The following EXOC6 variants were observed in gnomAD, a reference collection of about 807,000 sequenced individuals.
EXOC6 encodes SEC15-like 1.
In EXOC6, 60 loss-of-function variants were observed where a neutral mutation model predicts 112.5. The ratio of observed to expected loss-of-function variants is 0.53; its 90% confidence interval spans 0.43 to 0.66. EXOC6 has a LOEUF of 0.66. Among genes scored for constraint, EXOC6 ranks in the 30% least tolerant of loss-of-function variants. The probability of loss-of-function intolerance (pLI) is 0.00; values close to 1 mark genes in which losing one functional copy is unlikely to be tolerated. For synonymous variants in EXOC6, 295 were observed against 308.0 expected (o/e 0.96, Z 0.44); for missense variants, 855 against 957.1 (o/e 0.89, Z 1.41).
At chr10:92,890,688 CTG>C (rs1849455941) in intron 1 of EXOC6, among the ~76,000 whole-genome samples, 2 of 151,148 alleles carry the variant, frequency 1.3e-5, no homozygotes, top group Non-Finnish European at 3.0e-5. Flanking sequence ...CTATCTATCT[CTG>C]TGTCTGGTCT....
At chr10:92,941,400 C>T (rs1852660946) in intron 13 of EXOC6, among the ~76,000 whole-genome samples, 1 of 152,198 alleles carries the variant, frequency 6.6e-6, no homozygotes, top group African/African-American at 2.4e-5. Context: ...GTACAGTATA[C>T]ATATATCTGT....
chr10:92,932,769 T>A (rs572938663), intron 9 of EXOC6, among the ~76,000 whole-genome samples: 3 of 152,148 alleles, frequency 2.0e-5, no homozygotes, highest in Non-Finnish European at 2.9e-5. Flanking sequence ...AATATTTAGG[T>A]AAATCTAAAA....
intron 20 of EXOC6, among the ~76,000 whole-genome samples, chr10:93,038,345 A>G (rs564462398): frequency 7.9e-5 from 12 of 152,204 alleles, no homozygotes; most frequent in Non-Finnish European, 1.3e-4. Context: ...AAAAAATCCT[A>G]CTAAGCATTC....
chr10:92,912,282 A>G (rs1271596414), intron 6 of EXOC6, among the ~76,000 whole-genome samples: 2 of 152,092 alleles, frequency 1.3e-5, no homozygotes, highest in African/African-American at 4.8e-5. Flanking sequence ...TATCTCAGAT[A>G]GTATTGCAGG....
At position 92,837,135 on chromosome 10, in the gene EXOC6, C is replaced by CA. The variant is rs1554878504; in HGVS notation, c.86+2313dup. Among the ~76,000 whole-genome samples the CA allele has an allele frequency of 2.6e-5, 4 of 151,268 alleles. No homozygotes were observed. In the East Asian group the frequency reaches 5.9e-4, roughly 22 times the overall value. On this transcript the variant is annotated intron_variant, in intron 1 of 21. Coordinates refer to the EXOC6 transcript ENST00000371552. ...ACACACACACACACACACACACACACAAGCCAGAACAAATGCTCTGAATTC... is the reference window on the plus strand; with the variant it reads ...ACACACACACACACACACACACACACAAAGCCAGAACAAATGCTCTGAATTC...
At chr10:93,010,526 C>G (rs1417836968) in intron 19 of EXOC6, among the ~76,000 whole-genome samples, 1 of 151,902 alleles carries the variant, frequency 6.6e-6, no homozygotes, top group Non-Finnish European at 1.5e-5. Context: ...TGGTGAAACC[C>G]TCTCTCTACT....
At chr10:93,049,702 C>T (rs1013691033) in intron 20 of EXOC6, among the ~76,000 whole-genome samples, 1 of 152,216 alleles carries the variant, frequency 6.6e-6, no homozygotes, top group Non-Finnish European at 1.5e-5. Flanking sequence ...ACCTCAGCCT[C>T]CCAAGTAGCT....
At chr10:92,854,590 T>C (rs1847510087) in intron 1 of EXOC6, among the ~76,000 whole-genome samples, 2 of 152,248 alleles carry the variant, frequency 1.3e-5, no homozygotes, top group African/African-American at 4.8e-5. Context: ...TTTTATCAGA[T>C]GCTTTTTTCT....
intron 18 of EXOC6, among the ~76,000 whole-genome samples, chr10:92,983,688 G>A (rs929976705): frequency 6.6e-6 from 1 of 151,904 alleles, no homozygotes; most frequent in African/African-American, 2.4e-5. Context: ...TGTAGTTTTA[G>A]TAGAGATGGG....
upstream of EXOC6, chr10:92,831,438 T>A (rs780730223): frequency 1.5e-4 from 123 of 843,332 alleles, no homozygotes; most frequent in African/African-American, 2.2e-4. Context: ...ATTTTTTTTT[T>A]ATTTTTATTT....
upstream of EXOC6, among the ~76,000 whole-genome samples, chr10:92,847,973 A>T (rs1245274977): frequency 6.6e-6 from 1 of 151,212 alleles, no homozygotes; most frequent in Non-Finnish European, 1.5e-5. Flanking sequence ...ACATGAATCC[A>T]CCTGGAGCGG....
chr10:92,873,391 T>G (rs1848540965), intron 1 of EXOC6, among the ~76,000 whole-genome samples: 1 of 152,178 alleles, frequency 6.6e-6, no homozygotes, highest in Non-Finnish European at 1.5e-5. Context: ...ACACTAGACT[T>G]TTTTCTGTGC....
intron 1 of EXOC6, among the ~76,000 whole-genome samples, chr10:92,836,351 C>T (rs551379433): frequency 1.3e-5 from 2 of 152,258 alleles, no homozygotes; most frequent in African/African-American, 4.8e-5. Context: ...GGAAAAATAT[C>T]CCTGGTACCA....
intron 17 of EXOC6, among the ~76,000 whole-genome samples, chr10:92,968,275 C>T (rs1400279977): frequency 6.6e-6 from 1 of 151,468 alleles, no homozygotes; most frequent in Non-Finnish European, 1.5e-5. Flanking sequence ...GCCTCAAACT[C>T]CTGAGCTCAA....
In EXOC6 at chr10:92,954,611, T is replaced by C. The variant is rs1454561515; in HGVS notation, c.1527-19T>C. 1 of 1,240,752 alleles carries C rather than the reference T, an allele frequency of 8.1e-7. No individual in the cohort carries two copies. The highest frequency in any genetic ancestry group is 1.2e-6 in the Non-Finnish European group (1 of 853,266). The allele number at this position is 1,240,752 out of a possible 1,614,324, so 76.9% of individuals were successfully genotyped here. ...ATTCATTATTTATTAAGTTTAATAA[T>C]ATCAATCTTTGTTTTTAGCTCAACA... is the stretch of plus-strand genomic sequence containing the variant. On this transcript the variant is annotated intron_variant, in intron 15 of 21. Transcript: ENST00000260762.
At chr10:93,002,859 G>T (rs1386917505) in intron 19 of EXOC6, among the ~76,000 whole-genome samples, 1 of 152,144 alleles carries the variant, frequency 6.6e-6, no homozygotes, top group Non-Finnish European at 1.5e-5. Flanking sequence ...GACTCATAGT[G>T]ATCACTTTCT....
At chr10:92,844,952 G>A (rs1033957930), upstream of EXOC6, among the ~76,000 whole-genome samples, 1 of 152,186 alleles carries the variant, frequency 6.6e-6, no homozygotes, top group African/African-American at 2.4e-5. Context: ...TTCTGAGGGA[G>A]GCGCTTTCCC....
chr10:92,830,442 G>C (rs547406614), upstream of EXOC6, among the ~76,000 whole-genome samples: 3 of 152,276 alleles, frequency 2.0e-5, no homozygotes, highest in African/African-American at 4.8e-5. Flanking sequence ...GCCCAGAAAA[G>C]GGCCCCAAGG....
At chr10:93,006,364 T>TGTTTGGATACCTGAATTTGTTCCTG (rs1843982639) in intron 19 of EXOC6, among the ~76,000 whole-genome samples, 1 of 152,220 alleles carries the variant, frequency 6.6e-6, no homozygotes, top group Non-Finnish European at 1.5e-5. Context: ...GCTGTTACAC[T>TGTTTGGATACCTGAATTTGTTCCTG]GTTTGGATAC....
Sources: allele counts gnomAD v4.1 joint callset (sites outside exome capture counted in the v4.1 genomes callset), GRCh38; gene constraint gnomAD v4.1.1; transcripts MANE v1.5; gene names NCBI Gene and HGNC (gene_info 2026-07-23, HGNC 2026-07-21).